The following TENM2 variants were observed in gnomAD, a reference collection of about 807,000 sequenced individuals.
TENM2 encodes the protein teneurin transmembrane protein 2.
A neutral mutation model predicts 245.2 loss-of-function variants in TENM2; 52 were observed. The ratio of observed to expected loss-of-function variants is 0.21; its 90% CI spans 0.17 to 0.27. The LOEUF is 0.27. Among genes scored for constraint, TENM2 ranks in the 10% least tolerant of loss-of-function variants. The pLI is 1.00. For synonymous variants in TENM2, 1,363 were observed against 1,438.9 expected (o/e 0.95, Z 1.19); for missense variants, 3,046 against 3,666.8 (o/e 0.83, Z 4.37).
intron 4 of TENM2, among the ~76,000 whole-genome samples, chr5:167,958,677 G>A (rs1780751888): frequency 1.3e-5 from 2 of 152,264 alleles, no homozygotes; most frequent in Non-Finnish European, 2.9e-5. Context: ...AGGCCTGGTG[G>A]TGACAAAAAT....
chr5:167,932,687 T>A (rs1778378266), intron 3 of TENM2, among the ~76,000 whole-genome samples: 1 of 152,160 alleles, frequency 6.6e-6, no homozygotes, highest in Non-Finnish European at 1.5e-5. Flanking sequence ...ATCAGCAATT[T>A]TTTTTTCCTA....
intron 3 of TENM2, among the ~76,000 whole-genome samples, chr5:167,892,171 G>C (rs983176741): frequency 1.3e-5 from 2 of 152,074 alleles, no homozygotes; most frequent in Non-Finnish European, 2.9e-5. Context: ...TACATTAAAC[G>C]TACACATTAT....
At chr5:167,286,126 G>A (rs938949522) in intron 1 of TENM2, among the ~76,000 whole-genome samples, 5 of 152,140 alleles carry the variant, frequency 3.3e-5, no homozygotes, top group African/African-American at 1.2e-4. Flanking sequence ...AGAGGTTGTT[G>A]TAGATAACAT....
the TENM2 span, among the ~76,000 whole-genome samples, chr5:167,230,095 C>G: frequency 6.6e-6 from 1 of 152,142 alleles, no homozygotes; most frequent in Non-Finnish European, 1.5e-5. Flanking sequence ...GTGAGCTGAG[C>G]TCTTAAAGTG....
chr5:167,731,200 G>GTTTTTTTT (rs11398245), intron 2 of TENM2, among the ~76,000 whole-genome samples: 2 of 142,600 alleles, frequency 1.4e-5, no homozygotes. Context: ...CCTCCAGACA[G>GTTTTTTTT]TTTTTTTTTT....
chr5:167,993,246 C>A, intron 5 of TENM2, 64 bp downstream of exon 7: 2 of 1,360,340 alleles, frequency 1.5e-6, no homozygotes, highest in Non-Finnish European at 2.1e-6. Flanking sequence ...AGGCCATGGA[C>A]TTGTGAATCT....
At chr5:167,305,296 T>G (rs1284571979) in intron 1 of TENM2, among the ~76,000 whole-genome samples, 1 of 152,190 alleles carries the variant, frequency 6.6e-6, no homozygotes, top group East Asian at 1.9e-4. Flanking sequence ...GACATACCTG[T>G]GCACTGCATG....
In TENM2 at chr5:168,228,084, A is replaced by C; in HGVS notation, c.5474A>C (p.Lys1825Thr). The stretch of plus-strand genomic sequence containing the variant: ...AACTCCATTGAGTGGCGCCTAAGAA[A>C]GGAACAGATTAAAGGCAAAGTCACC... Residue 1825 changes from lysine (K) to threonine (T), a missense_variant, in exon 25 of 29, where the codon AAG (lysine) becomes ACG (threonine). Physicochemically the swap from Lys to Thr is moderately conservative, Grantham distance 78. Coordinates refer to ENST00000518659, the Ensembl canonical transcript of TENM2. 3 of 1,613,918 alleles carry C rather than the reference A, an allele frequency of 1.9e-6. No homozygotes were observed. The highest frequency in any genetic ancestry group is 2.5e-6 in the Non-Finnish European group (3 of 1,179,874).
chr5:167,659,039 G>A (rs1000938389), intron 2 of TENM2, among the ~76,000 whole-genome samples: 3 of 152,114 alleles, frequency 2.0e-5, no homozygotes, highest in Non-Finnish European at 4.4e-5. Flanking sequence ...ATGATTCCTC[G>A]GAGTGTTCCT....
chr5:167,875,237 A>G (rs1773319597), intron 2 of TENM2, among the ~76,000 whole-genome samples: 1 of 152,058 alleles, frequency 6.6e-6, no homozygotes, highest in South Asian at 2.1e-4. Flanking sequence ...AAGAAGTGAG[A>G]TTGTGAATGT....
At chr5:167,128,904 C>G in the TENM2 span, among the ~76,000 whole-genome samples, 7 of 152,290 alleles carry the variant, frequency 4.6e-5, no homozygotes, top group East Asian at 1.4e-3. Context: ...ACCAAACATA[C>G]ACCCCATACC....
chr5:167,227,461 T>G, the TENM2 span, among the ~76,000 whole-genome samples: 1 of 152,168 alleles, frequency 6.6e-6, no homozygotes, highest in African/African-American at 2.4e-5. Context: ...TGGAAATGAA[T>G]TCCCTCGGTC....
chr5:167,189,628 G>A, the TENM2 span, among the ~76,000 whole-genome samples: 3 of 151,616 alleles, frequency 2.0e-5, no homozygotes, highest in African/African-American at 4.8e-5. Flanking sequence ...GAGTGCAGTG[G>A]CATGATCATA....
chr5:167,773,041 T>C (rs1445276982), intron 2 of TENM2, among the ~76,000 whole-genome samples: 9 of 152,212 alleles, frequency 5.9e-5, no homozygotes, highest in Admixed American at 5.9e-4. Flanking sequence ...ATTTAAATTC[T>C]CACTGCTCAC....
intron 3 of TENM2, among the ~76,000 whole-genome samples, chr5:167,948,553 A>G (rs1779825775): frequency 6.6e-6 from 1 of 152,230 alleles, no homozygotes; most frequent in African/African-American, 2.4e-5. Flanking sequence ...TCCTAGGACT[A>G]AAAGCCACGC....
At chr5:167,576,704 C>T (rs1256046940) in intron 2 of TENM2, among the ~76,000 whole-genome samples, 7 of 152,148 alleles carry the variant, frequency 4.6e-5, no homozygotes, top group South Asian at 2.1e-4. Context: ...AATGATCAAA[C>T]GCATTATAAA....
At chr5:167,792,564 C>A (rs1583023061) in intron 2 of TENM2, among the ~76,000 whole-genome samples, 2 of 151,970 alleles carry the variant, frequency 1.3e-5, no homozygotes, top group East Asian at 3.9e-4. Flanking sequence ...ACCTCACTGA[C>A]TATAATAGCT....
chr5:167,084,327 T>TATA, the TENM2 span, among the ~76,000 whole-genome samples: 3 of 23,170 alleles, frequency 1.3e-4, no homozygotes, highest in South Asian at 2.5e-3. Flanking sequence ...GCCATTTTAG[T>TATA]TATATATATA....
At chr5:168,139,507 G>C (rs1213006891) in intron 12 of TENM2, 2 of 456,484 alleles carry the variant, frequency 4.4e-6, no homozygotes, top group Non-Finnish European at 8.8e-6. Context: ...GGCTAGAAGT[G>C]AGAGAAACCA....
Sources: allele counts gnomAD v4.1 joint callset (sites outside exome capture counted in the v4.1 genomes callset), GRCh38; gene constraint gnomAD v4.1.1; transcripts MANE v1.5; gene names NCBI Gene and HGNC (gene_info 2026-07-23, HGNC 2026-07-21).